Variants in PDE7B observed in about 807,000 individuals in gnomAD.
The protein encoded by PDE7B is 3',5'-cyclic-AMP phosphodiesterase 7B.
Under a neutral mutation model 56.2 loss-of-function variants are expected in PDE7B, and 29 were observed. The ratio of observed to expected loss-of-function variants is 0.52; its 90% confidence interval spans 0.38 to 0.70. The LOEUF (loss-of-function observed/expected upper bound fraction) is 0.70. Ranked by LOEUF, PDE7B falls within the 30% of genes least tolerant of loss-of-function variation. PDE7B has a pLI of 0.00. For synonymous variants in PDE7B, 197 were observed against 196.9 expected (o/e 1.00, Z 0.00); for missense variants, 490 against 565.0 (o/e 0.87, Z 1.35).
At chr6:135,872,966 C>A (rs924252123) in intron 1 of PDE7B, among the ~76,000 whole-genome samples, 6 of 152,232 alleles carry the variant, frequency 3.9e-5, no homozygotes, top group Admixed American at 6.5e-5. Context: ...ACTTCATAAT[C>A]AGCAGATTAA....
At chr6:136,009,267 A>C (rs375703000) in intron 2 of PDE7B, among the ~76,000 whole-genome samples, 1 of 151,598 alleles carries the variant, frequency 6.6e-6, no homozygotes, top group Non-Finnish European at 1.5e-5. Context: ...GTCAGGTAGC[A>C]TGATGCCTCC....
Position 136,183,115 on chromosome 6 carries a change from G to T in PDE7B, c.1045+1792G>T, listed in dbSNP as rs113594299. The stretch of plus-strand genomic sequence containing the variant: ...AACCCTTTTCTCAAAACTGCTTATT[G>T]TCCTAGTAATATATGCATGCATTAT... On this transcript the variant is annotated intron_variant, in intron 11 of 12. Coordinates refer to ENST00000308191, the MANE Select transcript of PDE7B (RefSeq NM_018945.4). 6.3e-3 allele frequency among the ~76,000 whole-genome samples: 937 copies of T among 147,592 alleles called. 9 individuals are homozygous for T. Among genetic ancestry groups the T allele is most frequent in the African/African-American group, 0.022 (873 of 39,994 alleles).
At chr6:136,021,991 T>A (rs1384445228) in intron 2 of PDE7B, among the ~76,000 whole-genome samples, 1 of 152,192 alleles carries the variant, frequency 6.6e-6, no homozygotes, top group Non-Finnish European at 1.5e-5. Flanking sequence ...TCTCTGTCAC[T>A]GCCTTCCTTT....
chr6:136,138,111 A>G (rs2046091), intron 3 of PDE7B, among the ~76,000 whole-genome samples: 70,624 of 151,916 alleles, frequency 0.46, 17,093 homozygotes, highest in African/African-American at 0.62. Flanking sequence ...AGGGTCTTAA[A>G]TAAACCTAGC....
chr6:136,132,912 C>T (rs950563787), intron 3 of PDE7B, among the ~76,000 whole-genome samples: 3 of 152,084 alleles, frequency 2.0e-5, no homozygotes, highest in African/African-American at 7.2e-5. Flanking sequence ...TCCTAAGGTG[C>T]CACTACAATC....
intron 3 of PDE7B, among the ~76,000 whole-genome samples, chr6:136,144,475 T>C (rs1409085084): frequency 6.6e-6 from 1 of 152,150 alleles, no homozygotes; most frequent in Admixed American, 6.5e-5. Flanking sequence ...GTTTGGGGTA[T>C]TTCTGGACAA....
intron 2 of PDE7B, among the ~76,000 whole-genome samples, chr6:135,986,463 T>A (rs1335170120): frequency 6.6e-6 from 1 of 152,196 alleles, no homozygotes; most frequent in Non-Finnish European, 1.5e-5. Flanking sequence ...GGAGACTCAA[T>A]CCAGCTTTAA....
chr6:136,012,333 C>T (rs1257846266), intron 2 of PDE7B, among the ~76,000 whole-genome samples: 1 of 152,176 alleles, frequency 6.6e-6, no homozygotes, highest in Non-Finnish European at 1.5e-5. Flanking sequence ...TTAGATCCTA[C>T]TCTTTATCAG....
At chr6:135,992,983 T>G (rs1030299980) in intron 2 of PDE7B, 3 of 152,234 alleles carry the variant, frequency 2.0e-5, no homozygotes, top group African/African-American at 7.2e-5. Flanking sequence ...TTCAGTGACT[T>G]GCCCAATGTC....
chr6:135,872,825 T>A (rs1470962282), intron 1 of PDE7B, among the ~76,000 whole-genome samples: 1 of 152,206 alleles, frequency 6.6e-6, no homozygotes. Flanking sequence ...AGTATACATG[T>A]GAACCTTGGA....
chr6:136,028,951 AAT>A (rs1776194622), intron 2 of PDE7B, among the ~76,000 whole-genome samples: 5 of 152,212 alleles, frequency 3.3e-5, no homozygotes, highest in African/African-American at 1.2e-4. Context: ...TTTGTGCAAC[AAT>A]ATGACTTCCA....
At chr6:136,162,866 G>C (rs1778731041) in intron 8 of PDE7B, among the ~76,000 whole-genome samples, 1 of 152,216 alleles carries the variant, frequency 6.6e-6, no homozygotes, top group Non-Finnish European at 1.5e-5. Context: ...GTTCCAAAAT[G>C]ATCTCCTTTG....
Position 136,192,462 on chromosome 6 carries a change from G to A in PDE7B, c.*622G>A, listed in dbSNP as rs1248425812. ...ACAGGGGGTTCATTGTTTTGCTATT[G>A]ACTTTATTATGCCACTTTGGGGCAG... On this transcript the variant is annotated 3_prime_UTR_variant, in exon 13 of 13. Transcript: ENST00000308191. The A allele has an allele frequency of 1.3e-5, 2 of 152,302 alleles. No homozygotes were observed. The highest frequency in any genetic ancestry group is 2.9e-5 in the Non-Finnish European group (2 of 68,018). The allele number at this position is 152,302 out of a possible 1,614,324, so 9.4% of individuals were successfully genotyped here.
intron 1 of PDE7B, among the ~76,000 whole-genome samples, chr6:135,939,355 G>A (rs1056174809): frequency 6.6e-6 from 1 of 152,110 alleles, no homozygotes; most frequent in Non-Finnish European, 1.5e-5. Context: ...TGGACGATGA[G>A]GCCCTGATTT....
At chr6:136,047,612 A>G (rs1455251737) in intron 2 of PDE7B, 1 of 152,224 alleles carries the variant, frequency 6.6e-6, no homozygotes, top group African/African-American at 2.4e-5. Flanking sequence ...AGGTCACAAA[A>G]TGGAAAATGA....
At chr6:135,933,931 A>G (rs1191092760) in intron 1 of PDE7B, among the ~76,000 whole-genome samples, 1 of 152,176 alleles carries the variant, frequency 6.6e-6, no homozygotes, top group Non-Finnish European at 1.5e-5. Context: ...GCCCCTGGTC[A>G]GTCTTTAATA....
chr6:135,982,038 C>T (rs997841378), intron 2 of PDE7B, among the ~76,000 whole-genome samples: 1 of 152,066 alleles, frequency 6.6e-6, no homozygotes, highest in Non-Finnish European at 1.5e-5. Context: ...TCCTATGGGA[C>T]CATCATTGTA....
chr6:136,123,543 T>G (rs927748980), intron 3 of PDE7B, among the ~76,000 whole-genome samples: 1 of 152,200 alleles, frequency 6.6e-6, no homozygotes, highest in Non-Finnish European at 1.5e-5. Context: ...CCTAATATAT[T>G]AAAGGACAAG....
chr6:135,947,243 A>G (rs899699877), intron 1 of PDE7B, among the ~76,000 whole-genome samples: 4 of 152,132 alleles, frequency 2.6e-5, no homozygotes, highest in African/African-American at 9.6e-5. Flanking sequence ...AATCTGCTCT[A>G]TGCAGGGGCA....
Sources: allele counts gnomAD v4.1 joint callset (sites outside exome capture counted in the v4.1 genomes callset), GRCh38; gene constraint gnomAD v4.1.1; transcripts MANE v1.5; gene names NCBI Gene and HGNC (gene_info 2026-07-23, HGNC 2026-07-21).